PCDH15: variants seen among roughly 807,000 people sequenced by gnomAD.
The protein encoded by PCDH15 is protocadherin-15.
PCDH15 carries 129 observed loss-of-function variants against 178.5 expected under a neutral mutation model. The observed-to-expected ratio is 0.72, with a 90% CI of 0.63 to 0.84. The LOEUF is 0.84. Among genes scored for constraint, PCDH15 ranks in the 40% least tolerant of loss-of-function variants. The pLI is 0.00. For synonymous variants in PCDH15, 800 were observed against 732.0 expected (o/e 1.09, Z -1.50); for missense variants, 2,230 against 2,099.9 (o/e 1.06, Z -1.21).
chr10:55,024,034 CTCTT>C (rs1840407864), intron 2 of PCDH15, among the ~76,000 whole-genome samples: 1 of 143,848 alleles, frequency 7.0e-6, no homozygotes, highest in Admixed American at 7.2e-5. Context: ...TATATAAAAT[CTCTT>C]TCTCTGATAC....
intron 2 of PCDH15, among the ~76,000 whole-genome samples, chr10:55,575,486 C>T (rs1189483156): frequency 6.6e-6 from 1 of 152,054 alleles, no homozygotes; most frequent in Non-Finnish European, 1.5e-5. Flanking sequence ...TAATTCAACC[C>T]CATACTGGAA....
chr10:54,668,468 C>A (rs1339383216), intron 1 of PCDH15, among the ~76,000 whole-genome samples: 2 of 152,084 alleles, frequency 1.3e-5, no homozygotes, highest in South Asian at 4.1e-4. Context: ...TTCCGACAAC[C>A]CTGACAGCAT....
chr10:54,204,821 A>C (rs1185313606), intron 10 of PCDH15, among the ~76,000 whole-genome samples: 1 of 152,042 alleles, frequency 6.6e-6, no homozygotes, highest in African/African-American at 2.4e-5. Flanking sequence ...GATGGACCCC[A>C]AAAGTAAACT....
chr10:54,125,028 T>C (rs899278078), intron 15 of PCDH15, among the ~76,000 whole-genome samples: 32 of 152,170 alleles, frequency 2.1e-4, no homozygotes, highest in Non-Finnish European at 4.3e-4. Context: ...TTAAATTCCA[T>C]GGCTTCTTGA....
chr10:54,563,905 C>T (rs569552106), intron 2 of PCDH15, among the ~76,000 whole-genome samples: 2 of 152,228 alleles, frequency 1.3e-5, no homozygotes, highest in East Asian at 1.9e-4. Flanking sequence ...AACAAACATT[C>T]GACTTCGACT....
rs922320228 is a variant in PCDH15, at chr10:55,470,156, G to A, written c.-156+157469C>T. Among the ~76,000 whole-genome samples the A allele has an allele frequency of 3.1e-4, 47 of 152,008 alleles. 1 individual carries two copies. The highest frequency in any genetic ancestry group is 6.3e-4 in the Non-Finnish European group (43 of 68,008). ...TCTTGAGGTCAGGAGTTCGAGACCA[G>A]CCTGGCCAACATGGTGAAACACTGT... On this transcript the variant is annotated intron_variant, in intron 2 of 5. Coordinates refer to the PCDH15 transcript ENST00000613346.
At chr10:54,954,018 G>A (rs1421107523) in intron 2 of PCDH15, among the ~76,000 whole-genome samples, 3 of 151,022 alleles carry the variant, frequency 2.0e-5, no homozygotes, top group Non-Finnish European at 3.0e-5. Flanking sequence ...CTTTTAGGGA[G>A]GGAAGCCAAA....
intron 28 of PCDH15, among the ~76,000 whole-genome samples, chr10:53,851,581 A>C (rs2078359392): frequency 6.7e-6 from 1 of 149,732 alleles, no homozygotes; most frequent in African/African-American, 2.4e-5. Context: ...CTTAAAACCA[A>C]GTTTTTATTA....
At chr10:54,138,180 G>C (rs1358165010) in intron 14 of PCDH15, among the ~76,000 whole-genome samples, 1 of 152,138 alleles carries the variant, frequency 6.6e-6, no homozygotes, top group East Asian at 1.9e-4. Flanking sequence ...GAAGCATCCT[G>C]TGTTAGTATG....
intron 3 of PCDH15, among the ~76,000 whole-genome samples, chr10:54,456,404 G>T (rs1012866012): frequency 6.6e-6 from 1 of 152,088 alleles, no homozygotes; most frequent in East Asian, 1.9e-4. Flanking sequence ...TGGATTCTGG[G>T]CTTGAATGGG....
At chr10:54,884,600 C>T (rs974066799) in intron 3 of PCDH15, among the ~76,000 whole-genome samples, 1 of 151,656 alleles carries the variant, frequency 6.6e-6, no homozygotes, top group African/African-American at 2.4e-5. Context: ...TAAATCTTTT[C>T]CATGCTGCAA....
chr10:54,726,619 A>G (rs4935548), intron 1 of PCDH15, among the ~76,000 whole-genome samples: 18,406 of 151,510 alleles, frequency 0.12, 1,239 homozygotes, highest in African/African-American at 0.17. Context: ...CGAGATTCAC[A>G]ACAAAGTATA....
At chr10:54,918,644 T>G (rs954170135) in intron 2 of PCDH15, among the ~76,000 whole-genome samples, 26 of 152,168 alleles carry the variant, frequency 1.7e-4, no homozygotes, top group Non-Finnish European at 3.5e-4. Context: ...ATTAAACATA[T>G]GCTTCTAATT....
intron 3 of PCDH15, among the ~76,000 whole-genome samples, chr10:54,848,989 G>A (rs775741481): frequency 1.3e-5 from 2 of 151,982 alleles, no homozygotes; most frequent in African/African-American, 2.4e-5. Context: ...TGATATGGCC[G>A]AACATAAACT....
intron 2 of PCDH15, among the ~76,000 whole-genome samples, chr10:54,936,947 T>C (rs1463681916): frequency 6.6e-6 from 1 of 152,030 alleles, no homozygotes; most frequent in Non-Finnish European, 1.5e-5. Flanking sequence ...ATTACTTCTA[T>C]GTTTTCTTCT....
chr10:54,550,179 TAA>T (rs2086393157), intron 2 of PCDH15, among the ~76,000 whole-genome samples: 1 of 152,170 alleles, frequency 6.6e-6, no homozygotes, highest in Non-Finnish European at 1.5e-5. Context: ...CACCACATTT[TAA>T]AAAGAGTTTG....
At chr10:54,273,614 A>G (rs2058174392) in intron 8 of PCDH15, among the ~76,000 whole-genome samples, 1 of 152,088 alleles carries the variant, frequency 6.6e-6, no homozygotes, top group South Asian at 2.1e-4. Context: ...AACAAAAACA[A>G]CTTACTAGTT....
intron 18 of PCDH15, among the ~76,000 whole-genome samples, chr10:54,053,656 A>T (rs1308380792): frequency 6.6e-6 from 1 of 152,202 alleles, no homozygotes; most frequent in Non-Finnish European, 1.5e-5. Context: ...AGATGCAAAG[A>T]GACATATATT....
At chr10:54,890,751 T>C (rs916953578) in intron 3 of PCDH15, among the ~76,000 whole-genome samples, 1 of 152,058 alleles carries the variant, frequency 6.6e-6, no homozygotes, top group African/African-American at 2.4e-5. Flanking sequence ...ACAGAATATG[T>C]AGTGGTAGGC....
Sources: allele counts gnomAD v4.1 joint callset (sites outside exome capture counted in the v4.1 genomes callset), GRCh38; gene constraint gnomAD v4.1.1; transcripts MANE v1.5; gene names NCBI Gene and HGNC (gene_info 2026-07-23, HGNC 2026-07-21).